Variants in PRR16 observed in about 807,000 individuals in gnomAD.
PRR16 encodes protein Largen.
A neutral mutation model predicts 18.2 loss-of-function variants in PRR16; 6 were observed. That is an observed-to-expected ratio of 0.33 (90% CI 0.18 to 0.65). The LOEUF (loss-of-function observed/expected upper bound fraction) is 0.65. Ranked by LOEUF, PRR16 falls within the 30% of genes least tolerant of loss-of-function variation. The pLI, the probability that PRR16 is intolerant of heterozygous loss-of-function variation, is 0.74. For missense variants in PRR16, 412 were observed against 376.6 expected (o/e 1.09, Z -0.78); for synonymous variants, 151 against 147.8 (o/e 1.02, Z -0.16).
the PRR16 span, among the ~76,000 whole-genome samples, chr5:120,762,457 T>C: frequency 6.6e-6 from 1 of 152,186 alleles, no homozygotes; most frequent in Admixed American, 6.6e-5. Context: ...CATTTTTGCA[T>C]TTCCCTGATG....
At chr5:120,569,027 G>A (rs1752822323) in intron 1 of PRR16, among the ~76,000 whole-genome samples, 1 of 151,836 alleles carries the variant, frequency 6.6e-6, no homozygotes, top group African/African-American at 2.4e-5. Context: ...GGTCACATTA[G>A]ATCAATAGAT....
intron 1 of PRR16, among the ~76,000 whole-genome samples, chr5:120,511,691 A>T (rs1248259429): frequency 6.6e-6 from 1 of 152,212 alleles, no homozygotes; most frequent in Non-Finnish European, 1.5e-5. Flanking sequence ...CTTAGTGTTT[A>T]AGAGACAATT....
intron 1 of PRR16, among the ~76,000 whole-genome samples, chr5:120,479,135 C>G (rs908223550): frequency 2.0e-5 from 3 of 152,050 alleles, no homozygotes; most frequent in Non-Finnish European, 4.4e-5. Flanking sequence ...GTACTACAGT[C>G]GTTAAGGTAG....
chr5:120,608,741 C>G (rs575151751), intron 1 of PRR16, among the ~76,000 whole-genome samples: 6 of 152,130 alleles, frequency 3.9e-5, no homozygotes, highest in Admixed American at 2.6e-4. Context: ...TGGTTAACCC[C>G]CTAGACGGTG....
chr5:120,607,671 C>T (rs1003175758), intron 1 of PRR16, among the ~76,000 whole-genome samples: 1 of 151,878 alleles, frequency 6.6e-6, no homozygotes, highest in Non-Finnish European at 1.5e-5. Context: ...TCTCCACTTC[C>T]CAAAGCATAC....
At chr5:120,519,792 G>A (rs1751113931) in intron 1 of PRR16, among the ~76,000 whole-genome samples, 1 of 151,996 alleles carries the variant, frequency 6.6e-6, no homozygotes, top group African/African-American at 2.4e-5. Context: ...ATTTTGGGGG[G>A]CCCTTAAGAT....
the PRR16 span, among the ~76,000 whole-genome samples, chr5:120,748,114 C>A: frequency 6.6e-6 from 1 of 151,900 alleles, no homozygotes; most frequent in Admixed American, 6.6e-5. Flanking sequence ...GATTAAATTT[C>A]CAGGATAGAT....
the PRR16 span, among the ~76,000 whole-genome samples, chr5:120,700,050 C>G: frequency 2.0e-5 from 3 of 151,922 alleles, no homozygotes; most frequent in African/African-American, 7.3e-5. Context: ...GGGTACAAAG[C>G]AATAGTAAAG....
chr5:120,670,876 A>G (rs1201840031), intron 1 of PRR16, among the ~76,000 whole-genome samples: 1 of 152,180 alleles, frequency 6.6e-6, no homozygotes, highest in East Asian at 1.9e-4. Flanking sequence ...TAATTTCCGT[A>G]GATTTGCTTA....
chr5:120,540,923 A>G (rs1751893000), intron 1 of PRR16, among the ~76,000 whole-genome samples: 1 of 152,108 alleles, frequency 6.6e-6, no homozygotes. Context: ...TTTTCAGCCC[A>G]CCCTGACAGA....
At chr5:120,637,656 A>G (rs1437866565) in intron 1 of PRR16, among the ~76,000 whole-genome samples, 1 of 151,988 alleles carries the variant, frequency 6.6e-6, no homozygotes, top group Admixed American at 6.6e-5. Context: ...GGGAAGGGTG[A>G]GGGATGGCAA....
chr5:120,466,908 G>A (rs1749123111), intron 1 of PRR16, among the ~76,000 whole-genome samples: 1 of 151,860 alleles, frequency 6.6e-6, no homozygotes, highest in Non-Finnish European at 1.5e-5. Context: ...CTTTTGTGTG[G>A]GTATCATCAT....
chr5:120,665,944 C>T (rs1421920523), intron 1 of PRR16, among the ~76,000 whole-genome samples: 9 of 152,040 alleles, frequency 5.9e-5, no homozygotes, highest in African/African-American at 2.2e-4. Flanking sequence ...AATGTGGGCT[C>T]TTTTTTGGTT....
At position 120,497,821 on chromosome 5, in the gene PRR16, A is replaced by T. The variant is rs1437249827; in HGVS notation, c.159+33176A>T. The stretch of plus-strand genomic sequence containing the variant: ...TTATCATATACATAACATTATATAT[A>T]TTTTTTTATTTGAAATTTACCTGCT... On this transcript the variant is annotated intron_variant, in intron 1 of 1. Coordinates refer to ENST00000407149, the MANE Select transcript of PRR16 (RefSeq NM_001300783.2). 7.9e-5 allele frequency among the ~76,000 whole-genome samples: 12 copies of T among 151,420 alleles called. No individual in the cohort carries two copies. The East Asian group carries it at 1.5e-3, about 20-fold the overall frequency.
At chr5:120,620,420 T>G (rs190613378) in intron 1 of PRR16, among the ~76,000 whole-genome samples, 3 of 152,244 alleles carry the variant, frequency 2.0e-5, no homozygotes, top group Admixed American at 2.0e-4. Context: ...TTGCTTGATT[T>G]TGTTGTCAAA....
At chr5:120,792,505 T>G in the PRR16 span, among the ~76,000 whole-genome samples, 1 of 152,198 alleles carries the variant, frequency 6.6e-6, no homozygotes, top group Non-Finnish European at 1.5e-5. Context: ...CAATTGCCAG[T>G]TCCCACTGAG....
At chr5:120,775,423 C>A in the PRR16 span, among the ~76,000 whole-genome samples, 1 of 152,038 alleles carries the variant, frequency 6.6e-6, no homozygotes, top group South Asian at 2.1e-4. Context: ...CCATTCTACA[C>A]CCTAAATAAT....
chr5:120,479,275 A>AT (rs1191357700), intron 1 of PRR16, among the ~76,000 whole-genome samples: 1 of 152,122 alleles, frequency 6.6e-6, no homozygotes, highest in Non-Finnish European at 1.5e-5. Flanking sequence ...AGGCCTTTTC[A>AT]TATGCGTTTT....
intron 1 of PRR16, among the ~76,000 whole-genome samples, chr5:120,668,201 T>A (rs954076961): frequency 1.7e-4 from 26 of 151,078 alleles, no homozygotes; most frequent in African/African-American, 6.3e-4. Context: ...CCCTTTACCA[T>A]TATGTAATGG....
Sources: gnomAD v4.1 joint callset for allele counts (sites outside exome capture counted in the v4.1 genomes callset) on GRCh38, gnomAD v4.1.1 for gene constraint, MANE v1.5 for transcripts, NCBI Gene and HGNC (gene_info 2026-07-23, HGNC 2026-07-21) for gene names.